ERC2: variants seen among roughly 807,000 people sequenced by gnomAD.
ERC2 encodes ELKS/RAB6-interacting/CAST family member 2, also known as ERC protein 2.
ERC2 carries 42 observed loss-of-function variants against 114.8 expected under a neutral mutation model. The ratio of observed to expected loss-of-function variants is 0.37; its 90% CI spans 0.29 to 0.47. The LOEUF (loss-of-function observed/expected upper bound fraction) is 0.47. ERC2 is among the 20% of genes least tolerant of loss of function. The pLI is 0.99. For missense variants in ERC2, 939 were observed against 1,150.7 expected, an observed-to-expected ratio of 0.82 and a Z score of 2.66; for synonymous variants, 454 against 425.5, an observed-to-expected ratio of 1.07 and a Z score of -0.82.
chr3:55,625,992 T>C (rs1299869239), intron 17 of ERC2, among the ~76,000 whole-genome samples: 1 of 152,222 alleles, frequency 6.6e-6, no homozygotes, highest in Non-Finnish European at 1.5e-5. Context: ...GGTAGGTGTG[T>C]TCCAAAGAAT....
chr3:56,408,469 C>A (rs1331580104), intron 2 of ERC2, among the ~76,000 whole-genome samples: 1 of 151,934 alleles, frequency 6.6e-6, no homozygotes, highest in Non-Finnish European at 1.5e-5. Flanking sequence ...CTCCCTCCCC[C>A]AAACACACAC....
chr3:55,977,091 A>C (rs2069647953), intron 12 of ERC2, among the ~76,000 whole-genome samples: 1 of 152,232 alleles, frequency 6.6e-6, no homozygotes, highest in African/African-American at 2.4e-5. Context: ...TCCACTCTCC[A>C]GAACTGTGAG....
chr3:55,987,251 G>A (rs1001676386), intron 11 of ERC2, among the ~76,000 whole-genome samples: 4 of 152,200 alleles, frequency 2.6e-5, no homozygotes, highest in African/African-American at 9.6e-5. Context: ...GGGGACTTTG[G>A]CAACACTGGC....
chr3:55,795,818 C>T (rs1403083557), intron 14 of ERC2, among the ~76,000 whole-genome samples: 2 of 152,178 alleles, frequency 1.3e-5, no homozygotes, highest in Non-Finnish European at 2.9e-5. Context: ...AAAATGTGGA[C>T]ACCAATAACA....
intron 15 of ERC2, among the ~76,000 whole-genome samples, chr3:55,717,901 T>C (rs557911891): frequency 6.6e-6 from 1 of 152,348 alleles, no homozygotes; most frequent in African/African-American, 2.4e-5. Flanking sequence ...CTGATCCCTA[T>C]CTGGGGTCCC....
At chr3:55,855,628 A>C (rs1559769037) in intron 14 of ERC2, among the ~76,000 whole-genome samples, 1 of 152,250 alleles carries the variant, frequency 6.6e-6, no homozygotes, top group African/African-American at 2.4e-5. Flanking sequence ...TAAATGCTTA[A>C]AGGCAGATTA....
At chr3:55,573,352 C>T (rs911382219) in intron 17 of ERC2, among the ~76,000 whole-genome samples, 1 of 152,180 alleles carries the variant, frequency 6.6e-6, no homozygotes, top group Non-Finnish European at 1.5e-5. Context: ...TGAAGCCAGG[C>T]AACAGCAAGC....
intron 2 of ERC2, among the ~76,000 whole-genome samples, chr3:56,408,979 A>T (rs1169096543): frequency 6.6e-6 from 1 of 152,184 alleles, no homozygotes; most frequent in East Asian, 1.9e-4. Context: ...ATCAAATCAC[A>T]TCTCCATATC....
Position 55,926,797 on chromosome 3 carries a change from A to G in ERC2, c.2403+23628T>C, listed in dbSNP as rs533663535. 6.6e-5 allele frequency among the ~76,000 whole-genome samples: 10 copies of G among 152,130 alleles called. No homozygotes were observed. The South Asian group carries it at 2.1e-3, about 32-fold the overall frequency. ...AAGTTTTTCATTAATTTCCTATTTC[A>G]GGTCTCTGTGGCTGGAAGGCAAATC... is the stretch of plus-strand genomic sequence containing the variant. On this transcript the variant is annotated intron_variant, in intron 13 of 17. Transcript: ENST00000288221.
intron 14 of ERC2, among the ~76,000 whole-genome samples, chr3:55,837,920 A>G (rs1276490987): frequency 6.6e-6 from 1 of 152,086 alleles, no homozygotes; most frequent in Non-Finnish European, 1.5e-5. Flanking sequence ...TGCAGTGGCT[A>G]CATTAATATC....
intron 13 of ERC2, among the ~76,000 whole-genome samples, chr3:55,904,304 A>G (rs918891133): frequency 1.3e-5 from 2 of 152,178 alleles, no homozygotes; most frequent in Non-Finnish European, 2.9e-5. Context: ...ACACACACAC[A>G]AGTTGAAACC....
At chr3:55,835,964 C>G (rs1406141118) in intron 14 of ERC2, among the ~76,000 whole-genome samples, 1 of 151,396 alleles carries the variant, frequency 6.6e-6, no homozygotes, top group African/African-American at 2.4e-5. Context: ...CAATAACAGA[C>G]AAACAGAGAG....
At chr3:56,328,151 T>C (rs75492603) in intron 2 of ERC2, among the ~76,000 whole-genome samples, 1,545 of 152,204 alleles carry the variant, frequency 0.01, 24 homozygotes, top group African/African-American at 0.034. Context: ...AGAGTAAGTA[T>C]GACCAGGGAG....
At chr3:56,331,852 CT>C (rs1264784435) in intron 2 of ERC2, among the ~76,000 whole-genome samples, 19 of 152,342 alleles carry the variant, frequency 1.2e-4, no homozygotes, top group African/African-American at 4.6e-4. Flanking sequence ...CAAGGCTTGC[CT>C]TTTGGATCCC....
chr3:55,566,407 C>CTATTTATTTATT (rs113386431), intron 17 of ERC2, among the ~76,000 whole-genome samples: 21,404 of 147,884 alleles, frequency 0.14, 1,630 homozygotes, highest in Middle Eastern at 0.2. Context: ...GCTGGTAATT[C>CTATTTATTTATT]TATTTATTTA....
At chr3:56,261,988 G>A (rs561464887) in intron 3 of ERC2, among the ~76,000 whole-genome samples, 1 of 152,222 alleles carries the variant, frequency 6.6e-6, no homozygotes, top group East Asian at 1.9e-4. Context: ...TCCTGTGTTA[G>A]TTTGCTAAGG....
intron 10 of ERC2, among the ~76,000 whole-genome samples, chr3:56,004,252 G>T (rs546866904): frequency 6.6e-6 from 1 of 151,948 alleles, no homozygotes; most frequent in African/African-American, 2.4e-5. Context: ...TGATCCATAC[G>T]TCAATTATCA....
intron 17 of ERC2, among the ~76,000 whole-genome samples, chr3:55,601,509 T>C (rs187203408): frequency 1.1e-4 from 16 of 152,334 alleles, no homozygotes; most frequent in African/African-American, 3.8e-4. Context: ...ACATTCACAC[T>C]GGTTGTGTGC....
At chr3:56,459,137 G>A (rs1292292139) in intron 1 of ERC2, among the ~76,000 whole-genome samples, 2 of 152,176 alleles carry the variant, frequency 1.3e-5, no homozygotes, top group Admixed American at 6.5e-5. Flanking sequence ...CAGGCCCATA[G>A]AGGATGAACT....
Sources: gnomAD v4.1 joint callset for allele counts (sites outside exome capture counted in the v4.1 genomes callset) on GRCh38, gnomAD v4.1.1 for gene constraint, MANE v1.5 for transcripts, NCBI Gene and HGNC (gene_info 2026-07-23, HGNC 2026-07-21) for gene names.